The following FBXL13 variants were observed in gnomAD, a reference collection of about 807,000 sequenced individuals.
FBXL13 encodes F-box and leucine rich repeat protein 13, also known as F-box and leucine-rich repeat protein 13.
A neutral mutation model predicts 83.6 loss-of-function variants in FBXL13; 67 were observed. That is an observed-to-expected ratio of 0.80 (90% CI 0.66 to 0.98). The LOEUF is 0.98. Ranked by LOEUF, FBXL13 falls within the 50% of genes least tolerant of loss-of-function variation. The pLI, the probability that FBXL13 is intolerant of heterozygous loss-of-function variation, is 0.00. For synonymous variants in FBXL13, 272 were observed against 299.5 expected (o/e 0.91, Z 0.95); for missense variants, 822 against 866.5 (o/e 0.95, Z 0.64).
Position 102,878,454 on chromosome 7 carries a change from T to C in FBXL13, c.1389-4A>G, listed in dbSNP as rs1809556914. The C allele has an allele frequency of 1.9e-6, 3 of 1,566,626 alleles. No homozygotes were observed. The highest frequency in any genetic ancestry group is 2.4e-5 in the East Asian group (1 of 42,044). On this transcript the variant is annotated splice_polypyrimidine_tract_variant and splice_region_variant and intron_variant, in intron 14 of 19. Coordinates refer to ENST00000313221, the Ensembl canonical transcript of FBXL13. ...CTTTAGTCCCATATCACCAATTCTG[T>C]AGGAAAGAGAGAAAAATTTTACATG...
intron 6 of FBXL13, among the ~76,000 whole-genome samples, chr7:103,001,232 GT>G (rs1790373416): frequency 6.6e-6 from 1 of 151,982 alleles, no homozygotes; most frequent in Non-Finnish European, 1.5e-5. Context: ...AAGTGCTAGG[GT>G]TACTGGCTTG....
chr7:103,010,961 T>C (rs1157895961), intron 6 of FBXL13, among the ~76,000 whole-genome samples: 1 of 151,764 alleles, frequency 6.6e-6, no homozygotes, highest in Non-Finnish European at 1.5e-5. Flanking sequence ...TGGATTAGAA[T>C]CAAGGCCAGT....
intron 6 of FBXL13, among the ~76,000 whole-genome samples, chr7:102,977,640 TAC>T (rs1827655213): frequency 6.6e-6 from 1 of 152,218 alleles, no homozygotes; most frequent in Non-Finnish European, 1.5e-5. Flanking sequence ...TTGTTGAAGC[TAC>T]AGTTAACTAT....
rs529582179 is a variant in FBXL13, at chr7:102,851,772, T to C, written c.1719+3005A>G. On this transcript the variant is annotated intron_variant, in intron 17 of 19. Transcript: ENST00000313221. ...GGGGTTTTTTCTAACAGCATATTGA[T>C]ATGCTTGAAGTGATGAAAAAATTAC... 1.0e-3 allele frequency among the ~76,000 whole-genome samples: 159 copies of C among 152,234 alleles called. 1 individual carries two copies. In the Middle Eastern group the frequency reaches 0.014, roughly 13 times the overall value.
chr7:102,988,280 T>C (rs973480974), intron 6 of FBXL13: 3 of 152,180 alleles, frequency 2.0e-5, no homozygotes, highest in Non-Finnish European at 4.4e-5. Context: ...GGTAAAGATA[T>C]GCTCAGGAAT....
At chr7:102,897,135 G>C (rs751469121) in intron 11 of FBXL13, among the ~76,000 whole-genome samples, 15 of 151,440 alleles carry the variant, frequency 9.9e-5, no homozygotes, top group Non-Finnish European at 1.9e-4. Flanking sequence ...GTATATGTGT[G>C]TATCTATATG....
Position 102,934,496 on chromosome 7 carries a change from C to T in FBXL13, c.725-2563G>A, listed in dbSNP as rs772461958. 38 of 1,613,696 alleles carry T rather than the reference C, an allele frequency of 2.4e-5. No homozygotes were observed. In the East Asian group the frequency reaches 8.2e-4, roughly 35 times the overall value. ...GGGGAACTACGCCAAGTGTGAAAGT[C>T]CACAAGAACAAAAAAATAAAAAACT... On this transcript the variant is annotated intron_variant, in intron 8 of 19. Transcript: ENST00000313221.
At chr7:103,052,584 C>T (rs76569871) in intron 2 of FBXL13, among the ~76,000 whole-genome samples, 1,679 of 152,254 alleles carry the variant, frequency 0.011, 35 homozygotes, top group African/African-American at 0.039. Flanking sequence ...CAAATATTTT[C>T]GTCATTGCTT....
intron 6 of FBXL13, chr7:102,973,743 T>C (rs1183508016): frequency 1.3e-6 from 1 of 766,078 alleles, no homozygotes; most frequent in Non-Finnish European, 2.4e-6. Flanking sequence ...TCTCTGTGCA[T>C]GCACATCAGT....
intron 6 of FBXL13, among the ~76,000 whole-genome samples, chr7:102,976,437 C>T (rs1027036214): frequency 1.3e-5 from 2 of 152,118 alleles, no homozygotes; most frequent in African/African-American, 4.8e-5. Context: ...TGCCCAACTC[C>T]GCTCCAAGGC....
At chr7:103,024,135 AAG>A (rs59206823) in intron 6 of FBXL13, among the ~76,000 whole-genome samples, 2,335 of 96,472 alleles carry the variant, frequency 0.024, 33 homozygotes, top group African/African-American at 0.034. Context: ...AAAAGTTAAA[AAG>A]AGAGAGAGAG....
At chr7:103,065,345 T>C (rs1022477200) in intron 1 of FBXL13, among the ~76,000 whole-genome samples, 2 of 152,192 alleles carry the variant, frequency 1.3e-5, no homozygotes, top group African/African-American at 2.4e-5. Context: ...TCAATTATAA[T>C]TTAAGGTAAA....
At chr7:102,952,786 C>A (rs1655066669) in intron 8 of FBXL13, among the ~76,000 whole-genome samples, 1 of 152,120 alleles carries the variant, frequency 6.6e-6, no homozygotes, top group African/African-American at 2.4e-5. Context: ...GAGTTCTAGA[C>A]CACCCTGGCC....
rs1805999980 is a variant in FBXL13, at chr7:102,856,031, AC to A, written c.1636-1172del. 3.3e-5 allele frequency among the ~76,000 whole-genome samples: 5 copies of A among 152,316 alleles called. No individual in the cohort carries two copies. The South Asian group carries it at 1.0e-3, about 32-fold the overall frequency. On this transcript the variant is annotated intron_variant, in intron 16 of 19. Transcript: ENST00000313221. ...TGTGAATTCTTTTAACTTTTTAAAA[AC>A]TTTTATTTGCATTTATTTTATGCTG...
intron 1 of FBXL13, among the ~76,000 whole-genome samples, chr7:103,060,818 CAG>C (rs1797831201): frequency 6.6e-6 from 1 of 152,156 alleles, no homozygotes; most frequent in African/African-American, 2.4e-5. Flanking sequence ...GGTGAAGAAA[CAG>C]AAAAACATTG....
intron 8 of FBXL13, chr7:102,942,335 T>C: frequency 2.5e-6 from 4 of 1,591,590 alleles, no homozygotes; most frequent in Non-Finnish European, 3.4e-6. Context: ...TGAATGATTT[T>C]TGCTGTGGTA....
intron 17 of FBXL13, among the ~76,000 whole-genome samples, chr7:102,847,176 A>G (rs1377675565): frequency 1.3e-5 from 2 of 152,070 alleles, no homozygotes; most frequent in African/African-American, 4.8e-5. Context: ...AGCCTAAAAC[A>G]GAAACTACCT....
intron 8 of FBXL13, chr7:102,942,170 A>T: frequency 1.5e-6 from 1 of 653,662 alleles, no homozygotes; most frequent in Non-Finnish European, 2.7e-6. Context: ...TTTACTGAGC[A>T]CCTACCAAAT....
intron 16 of FBXL13, among the ~76,000 whole-genome samples, chr7:102,867,991 C>T (rs1323967039): frequency 3.9e-5 from 6 of 151,900 alleles, no homozygotes; most frequent in African/African-American, 2.4e-5. Context: ...CGTGAGCCAC[C>T]GTGCCCGGCC....
Sources: allele counts gnomAD v4.1 joint callset (sites outside exome capture counted in the v4.1 genomes callset), GRCh38; gene constraint gnomAD v4.1.1; transcripts MANE v1.5; gene names NCBI Gene and HGNC (gene_info 2026-07-23, HGNC 2026-07-21).